Variants in NAALADL2 observed in about 807,000 individuals in gnomAD.
NAALADL2 encodes inactive N-acetylated-alpha-linked acidic dipeptidase-like protein 2.
NAALADL2 carries 76 observed loss-of-function variants against 87.2 expected under a neutral mutation model. That is an observed-to-expected ratio of 0.87 (90% CI 0.72 to 1.05). The LOEUF is 1.05. Ranked by LOEUF, NAALADL2 falls within the 50% of genes least tolerant of loss-of-function variation. The pLI is 0.00. For synonymous variants in NAALADL2, 354 were observed against 331.0 expected, an observed-to-expected ratio of 1.07 and a Z score of -0.75; for missense variants, 1,089 against 945.8, an observed-to-expected ratio of 1.15 and a Z score of -1.99.
intron 2 of NAALADL2, among the ~76,000 whole-genome samples, chr3:174,645,848 A>G (rs1306777530): frequency 6.6e-6 from 1 of 152,132 alleles, no homozygotes; most frequent in African/African-American, 2.4e-5. Flanking sequence ...ATGAAATTTT[A>G]TGGATCAAAT....
At chr3:175,108,001 G>A (rs1229165214) in intron 2 of NAALADL2, among the ~76,000 whole-genome samples, 1 of 151,704 alleles carries the variant, frequency 6.6e-6, no homozygotes, top group African/African-American at 2.4e-5. Flanking sequence ...CATTATAACT[G>A]GAGAAAATAT....
chr3:175,436,668 C>T (rs1718724557), intron 5 of NAALADL2, among the ~76,000 whole-genome samples: 1 of 110,584 alleles, frequency 9.0e-6, no homozygotes, highest in African/African-American at 3.6e-5. Context: ...AGTGTCTGTT[C>T]ATGTCCTTCG....
At chr3:174,954,960 AT>A (rs1296863518) in intron 1 of NAALADL2, among the ~76,000 whole-genome samples, 2 of 152,124 alleles carry the variant, frequency 1.3e-5, no homozygotes, top group African/African-American at 4.8e-5. Context: ...AAATTTCTAC[AT>A]CCGTTAACAA....
chr3:175,588,537 T>TC lies in NAALADL2; in HGVS notation c.1800+12350_1800+12351insC, dbSNP rs1244456635. ...GGAGACTTTCTTTCTTTCTTTTCTT[T>TC]TTTTTTTTTTTTTTTTTTTGAGATG... On this transcript the variant is annotated intron_variant, in intron 10 of 13. Transcript: ENST00000454872. Among the ~76,000 whole-genome samples, 12 of 119,620 alleles carry TC rather than the reference T, an allele frequency of 1.0e-4. 1 individual carries two copies. Among genetic ancestry groups the TC allele is most frequent in the Non-Finnish European group, 1.8e-4 (11 of 60,028 alleles). The allele number at this position is 119,620 out of a possible 152,430, so 78.5% of individuals were successfully genotyped here. A position where few individuals can be genotyped will look rare whatever the true frequency, so the allele number is the denominator to read the frequency against.
chr3:175,058,865 C>G (rs906686543), intron 1 of NAALADL2, among the ~76,000 whole-genome samples: 1 of 152,152 alleles, frequency 6.6e-6, no homozygotes, highest in Non-Finnish European at 1.5e-5. Flanking sequence ...TAAACCTAAT[C>G]CTGCCATTGG....
rs575559339 is a variant in NAALADL2, at chr3:175,142,295, C to T, written c.545+45004C>T. Among the ~76,000 whole-genome samples, 13 of 152,034 alleles carry T rather than the reference C, an allele frequency of 8.6e-5. No individual in the cohort carries two copies. The South Asian group carries it at 1.2e-3, about 15-fold the overall frequency. The stretch of plus-strand genomic sequence containing the variant: ...AATTTAAGATGCTTTAGATTAATTT[C>T]GTTTATAATTATGTGGAACCTTTGA... On this transcript the variant is annotated intron_variant, in intron 2 of 13. Transcript: ENST00000454872.
At chr3:174,768,462 A>T (rs1351526246) in intron 3 of NAALADL2, among the ~76,000 whole-genome samples, 3 of 152,116 alleles carry the variant, frequency 2.0e-5, no homozygotes, top group East Asian at 1.9e-4. Flanking sequence ...TTTAGTCCAT[A>T]ATGTAGGTAT....
intron 1 of NAALADL2, among the ~76,000 whole-genome samples, chr3:175,037,172 T>C (rs1186254906): frequency 6.6e-6 from 1 of 152,116 alleles, no homozygotes; most frequent in African/African-American, 2.4e-5. Context: ...GAGTGAAAAC[T>C]AGATGATCTA....
chr3:175,742,673 A>G (rs1745402687), intron 12 of NAALADL2, among the ~76,000 whole-genome samples: 1 of 152,192 alleles, frequency 6.6e-6, no homozygotes, highest in Non-Finnish European at 1.5e-5. Flanking sequence ...CTGGGATTAC[A>G]GGCGTGAGCC....
chr3:175,800,086 G>A (rs1436241396), intron 13 of NAALADL2, among the ~76,000 whole-genome samples: 1 of 152,126 alleles, frequency 6.6e-6, no homozygotes, highest in African/African-American at 2.4e-5. Flanking sequence ...CAGAGGCCTG[G>A]AGCAGTTGTG....
intron 1 of NAALADL2, among the ~76,000 whole-genome samples, chr3:174,495,015 A>G (rs1278330394): frequency 6.6e-6 from 1 of 152,192 alleles, no homozygotes; most frequent in Non-Finnish European, 1.5e-5. Context: ...TACCCCAAAG[A>G]CCACTGTTAA....
chr3:175,548,030 G>A (rs1189693423), intron 9 of NAALADL2, among the ~76,000 whole-genome samples: 1 of 151,952 alleles, frequency 6.6e-6, no homozygotes, highest in Non-Finnish European at 1.5e-5. Context: ...ATACCATTCA[G>A]CACAGCAATC....
At chr3:175,282,354 A>C (rs1754417699) in intron 4 of NAALADL2, among the ~76,000 whole-genome samples, 1 of 152,102 alleles carries the variant, frequency 6.6e-6, no homozygotes, top group Non-Finnish European at 1.5e-5. Context: ...TCTGCTTTAA[A>C]GAACACTTAA....
chr3:174,991,396 A>G (rs1353874866), intron 1 of NAALADL2, among the ~76,000 whole-genome samples: 2 of 152,160 alleles, frequency 1.3e-5, no homozygotes, highest in African/African-American at 4.8e-5. Context: ...CTCTAATGAT[A>G]GAAATCTCTG....
chr3:175,778,825 G>T (rs3114968), intron 13 of NAALADL2, among the ~76,000 whole-genome samples: 1 of 151,938 alleles, frequency 6.6e-6, no homozygotes, highest in African/African-American at 2.4e-5. Context: ...TACGGGTAAG[G>T]GAGGCAAAAT....
At chr3:175,751,753 G>T (rs1047998999) in intron 12 of NAALADL2, among the ~76,000 whole-genome samples, 4 of 151,886 alleles carry the variant, frequency 2.6e-5, no homozygotes, top group African/African-American at 9.7e-5. Flanking sequence ...TTGTTTAAAC[G>T]TACTTATTAT....
At chr3:175,559,428 T>C (rs1241883801) in intron 9 of NAALADL2, among the ~76,000 whole-genome samples, 1 of 80,076 alleles carries the variant, frequency 1.2e-5, no homozygotes, top group African/African-American at 3.0e-5. Flanking sequence ...GGATGCCCTT[T>C]ATTTTTTTCT....
At chr3:175,209,543 C>CT (rs1285695011) in intron 2 of NAALADL2, among the ~76,000 whole-genome samples, 1 of 151,954 alleles carries the variant, frequency 6.6e-6, no homozygotes, top group African/African-American at 2.4e-5. Context: ...TTGAACTTCT[C>CT]TAACTTAAGA....
chr3:175,130,279 T>C (rs1727624730), intron 2 of NAALADL2, among the ~76,000 whole-genome samples: 1 of 152,194 alleles, frequency 6.6e-6, no homozygotes, highest in Non-Finnish European at 1.5e-5. Context: ...TACATTTTTT[T>C]CCCATTCTGT....
Sources: allele counts gnomAD v4.1 joint callset (sites outside exome capture counted in the v4.1 genomes callset), GRCh38; gene constraint gnomAD v4.1.1; transcripts MANE v1.5; gene names NCBI Gene and HGNC (gene_info 2026-07-23, HGNC 2026-07-21).